Variants in FSHR observed in about 807,000 individuals in gnomAD.
The protein encoded by FSHR is follicle stimulating hormone receptor.
In FSHR, 46 loss-of-function variants were observed where a neutral mutation model predicts 52.1. The observed-to-expected ratio is 0.88, with a 90% CI of 0.70 to 1.13. The LOEUF is 1.13. Ranked by LOEUF, FSHR falls within the 50% of genes most tolerant of loss-of-function variation. FSHR has a pLI of 0.00. For synonymous variants in FSHR, 399 were observed against 309.6 expected (o/e 1.29, Z -3.03); for missense variants, 964 against 834.6 (o/e 1.16, Z -1.91).
chr2:49,064,640 G>T (rs965585573), intron 2 of FSHR, among the ~76,000 whole-genome samples: 1 of 152,208 alleles, frequency 6.6e-6, no homozygotes, highest in Admixed American at 6.6e-5. Flanking sequence ...GGGAAAGATT[G>T]TGGTAGCTGG....
chr2:48,982,877 A>G, intron 8 of FSHR, 35 bp downstream of exon 8: 1 of 1,548,476 alleles, frequency 6.5e-7, no homozygotes, highest in Non-Finnish European at 8.9e-7. Flanking sequence ...ACACAAACTG[A>G]GCTCTTACAC....
rs775277634 is a variant in FSHR, at chr2:49,154,248, C to T, written c.152+18G>A. 5 of 1,613,002 alleles carry T rather than the reference C, an allele frequency of 3.1e-6. No homozygotes were observed. In the East Asian group the frequency reaches 8.9e-5, roughly 29 times the overall value. ...AAATGCCAGCCATGCAGTTGTTCCC[C>T]CTCCCTCTGATACTCACAGTTCAAT... On this transcript the variant is annotated intron_variant, in intron 1 of 9. Coordinates refer to ENST00000406846, the MANE Select transcript of FSHR (RefSeq NM_000145.4).
At chr2:49,141,871 A>G (rs1160048548) in intron 1 of FSHR, among the ~76,000 whole-genome samples, 1 of 152,192 alleles carries the variant, frequency 6.6e-6, no homozygotes, top group Non-Finnish European at 1.5e-5. Context: ...AAAATCAGGT[A>G]TATAAGAGAT....
chr2:48,982,883 T>C (rs1181713148), intron 8 of FSHR, 29 bp downstream of exon 8: 1 of 1,583,116 alleles, frequency 6.3e-7, no homozygotes, highest in Admixed American at 1.7e-5. Flanking sequence ...ACTGAGCTCT[T>C]ACACACAGAA....
chr2:49,040,919 T>C (rs1455930684), intron 2 of FSHR, among the ~76,000 whole-genome samples: 3 of 152,154 alleles, frequency 2.0e-5, no homozygotes, highest in Non-Finnish European at 4.4e-5. Flanking sequence ...CATTGATTGA[T>C]TTACTGGAAA....
intron 1 of FSHR, among the ~76,000 whole-genome samples, chr2:49,071,166 A>G (rs764971193): frequency 6.6e-6 from 1 of 152,204 alleles, no homozygotes; most frequent in South Asian, 2.1e-4. Flanking sequence ...ACAATGAAAT[A>G]ACATCCAGAA....
At chr2:49,013,725 G>A (rs79571540) in intron 4 of FSHR, among the ~76,000 whole-genome samples, 4,235 of 151,414 alleles carry the variant, frequency 0.028, 196 homozygotes, top group African/African-American at 0.096. Flanking sequence ...CAGTGGATGT[G>A]CAAACATTTT....
chr2:49,096,898 GGCC>G (rs1327988364), intron 1 of FSHR, among the ~76,000 whole-genome samples: 1 of 152,078 alleles, frequency 6.6e-6, no homozygotes, highest in Non-Finnish European at 1.5e-5. Context: ...CTCCTGCTCT[GGCC>G]ATGTGATATG....
At chr2:49,152,402 T>C (rs1402256453) in intron 1 of FSHR, among the ~76,000 whole-genome samples, 1 of 152,152 alleles carries the variant, frequency 6.6e-6, no homozygotes, top group East Asian at 1.9e-4. Context: ...AGCATTACTT[T>C]TTTTCAAAAA....
chr2:48,963,397 A>G lies in FSHR; in HGVS notation c.1424T>C (p.Met475Thr). The stretch of plus-strand genomic sequence containing the variant: ...GAGCTGCACCTTGCAGTCCAGCTGC[A>G]TGGCATGCGTGATGGTATGCCATCT... ...LERWHTITHA[M>T]QLDCKVQLRH... The change falls in exon 10 of 10, where the codon ATG (methionine) becomes ACG (threonine). Residue 475 changes from methionine to threonine, a missense_variant. Transcript: ENST00000406846. 6.2e-7 allele frequency: 1 copy of G among 1,614,124 alleles called. No individual in the cohort carries two copies. The highest frequency in any genetic ancestry group is 1.3e-5 in the African/African-American group (1 of 75,074).
At position 48,962,791 on chromosome 2, in the gene FSHR, C is replaced by T. The variant is rs147439856; in HGVS notation, c.2030G>A (p.Arg677Lys). 3.1e-6 allele frequency: 5 copies of T among 1,614,106 alleles called. No individual in the cohort carries two copies. Among genetic ancestry groups the T allele is most frequent in the African/African-American group, 2.7e-5 (2 of 75,036 alleles). ...PRNGHCSSAPRVTSGSTYILV... is the reference protein window; with the variant it reads ...PRNGHCSSAPKVTSGSTYILV... ...TATGTAAGTGGAACCACTGGTGACT[C>T]TGGGAGCTGAAGAGCAGTGGCCATT... Residue 677 changes from arginine to lysine, a missense_variant, in exon 10 of 10, where the codon AGA becomes AAA. Transcript: ENST00000406846.
Position 49,121,862 on chromosome 2 carries a change from A to T in FSHR, c.152+32404T>A, listed in dbSNP as rs577751943. 3.3e-5 allele frequency among the ~76,000 whole-genome samples: 5 copies of T among 151,902 alleles called. No homozygotes were observed. In the South Asian group the frequency reaches 1.0e-3, roughly 32 times the overall value. Reference sequence around the variant, plus strand: ...TTCTTCTCTGCCTCATCCTTTCGTGATCTGTATCTTCAGGACAAAAATAAA... The same window carrying T: ...TTCTTCTCTGCCTCATCCTTTCGTGTTCTGTATCTTCAGGACAAAAATAAA... On this transcript the variant is annotated intron_variant, in intron 1 of 9. Transcript: ENST00000406846.
chr2:49,095,423 A>T (rs979244071), intron 1 of FSHR, among the ~76,000 whole-genome samples: 1 of 152,180 alleles, frequency 6.6e-6, no homozygotes, highest in Admixed American at 6.5e-5. Flanking sequence ...AAATAGGCAC[A>T]TTCAGAAGAA....
intron 1 of FSHR, among the ~76,000 whole-genome samples, chr2:49,153,629 G>A (rs1167436141): frequency 2.0e-5 from 3 of 152,122 alleles, no homozygotes; most frequent in East Asian, 3.8e-4. Flanking sequence ...TGTTAAAATA[G>A]TTAAGTAAAT....
chr2:49,142,303 G>A (rs1210971292), intron 1 of FSHR, among the ~76,000 whole-genome samples: 1 of 152,152 alleles, frequency 6.6e-6, no homozygotes, highest in Non-Finnish European at 1.5e-5. Flanking sequence ...TAAGGAGGTG[G>A]CATTTGGGTA....
At chr2:49,120,274 C>T (rs1671763814) in intron 1 of FSHR, among the ~76,000 whole-genome samples, 2 of 151,292 alleles carry the variant, frequency 1.3e-5, no homozygotes, top group Non-Finnish European at 1.5e-5. Flanking sequence ...CCATCTCAGA[C>T]AAAAAAACAA....
rs1669583093 is a variant in FSHR at position 49,068,200 on chromosome 2, A to G, written c.224+19T>C. Reference sequence around the variant, plus strand: ...TAGCCCCCTTGAGGCATTCACTCACAGCAGTGCTAGGTACATACATTTTCT... The same window carrying G: ...TAGCCCCCTTGAGGCATTCACTCACGGCAGTGCTAGGTACATACATTTTCT... On this transcript the variant is annotated intron_variant, in intron 2 of 9. Transcript: ENST00000406846. The G allele has an allele frequency of 1.9e-6, 3 of 1,598,696 alleles. No individual in the cohort carries two copies. The highest frequency in any genetic ancestry group is 2.6e-6 in the Non-Finnish European group (3 of 1,168,224).
intron 1 of FSHR, among the ~76,000 whole-genome samples, chr2:49,126,890 G>T (rs1672019240): frequency 6.6e-6 from 1 of 152,184 alleles, no homozygotes; most frequent in South Asian, 2.1e-4. Flanking sequence ...AACCATCCAT[G>T]CAATATCTCT....
At chr2:49,055,118 A>G (rs1669008814) in intron 2 of FSHR, among the ~76,000 whole-genome samples, 1 of 152,100 alleles carries the variant, frequency 6.6e-6, no homozygotes, top group South Asian at 2.1e-4. Flanking sequence ...GAGAATACAG[A>G]TAGACAATTT....
Sources: gnomAD v4.1 joint callset for allele counts (sites outside exome capture counted in the v4.1 genomes callset) on GRCh38, gnomAD v4.1.1 for gene constraint, MANE v1.5 for transcripts, NCBI Gene and HGNC (gene_info 2026-07-23, HGNC 2026-07-21) for gene names.